Variants in MAD1L1 observed in about 807,000 individuals in gnomAD.
MAD1L1 encodes mitotic spindle assembly checkpoint protein MAD1.
MAD1L1 carries 95 observed loss-of-function variants against 96.9 expected under a neutral mutation model. That is an observed-to-expected ratio of 0.98 (90% CI 0.83 to 1.16). The LOEUF (loss-of-function observed/expected upper bound fraction) is 1.16, where lower values mean the gene tolerates loss of function less well. MAD1L1 is among the 50% of genes most tolerant of loss of function. MAD1L1 has a pLI of 0.00. For missense variants in MAD1L1, 1,007 were observed against 954.4 expected, an observed-to-expected ratio of 1.06 and a Z score of -0.73; for synonymous variants, 473 against 396.6, an observed-to-expected ratio of 1.19 and a Z score of -2.29.
intron 11 of MAD1L1, among the ~76,000 whole-genome samples, chr7:2,131,571 T>C (rs1788511379): frequency 2.0e-5 from 3 of 152,358 alleles, no homozygotes; most frequent in Admixed American, 1.3e-4. Flanking sequence ...GCGCAGGCAC[T>C]GATGGTGTCC....
In MAD1L1 at chr7:2,017,678, A is replaced by G. The variant is rs187887007; in HGVS notation, c.1219-3036T>C. Reference sequence around the variant, plus strand: ...GCCCAGAGGACCCTTGCGAAAGAGCAAGAGAGATAATGACGCTCATTCCCT... The same window carrying G: ...GCCCAGAGGACCCTTGCGAAAGAGCGAGAGAGATAATGACGCTCATTCCCT... On this transcript the variant is annotated intron_variant, in intron 12 of 18. Transcript: ENST00000265854. Among the ~76,000 whole-genome samples the G allele has an allele frequency of 1.5e-3, 225 of 152,326 alleles. 2 individuals are homozygous for G. Among genetic ancestry groups the G allele is most frequent in the African/African-American group, 5.1e-3 (211 of 41,572 alleles).
chr7:2,092,240 A>G (rs1357610114), intron 11 of MAD1L1, among the ~76,000 whole-genome samples: 1 of 152,146 alleles, frequency 6.6e-6, no homozygotes, highest in Admixed American at 6.5e-5. Context: ...CCAAAGACAA[A>G]TACTCCTGAG....
intron 12 of MAD1L1, among the ~76,000 whole-genome samples, chr7:2,034,614 T>C (rs970380939): frequency 6.6e-6 from 1 of 152,174 alleles, no homozygotes; most frequent in African/African-American, 2.4e-5. Context: ...CTGGCTGCAA[T>C]AAAATGTCAC....
chr7:2,055,010 G>A (rs1562643256), intron 12 of MAD1L1, among the ~76,000 whole-genome samples: 2 of 152,176 alleles, frequency 1.3e-5, no homozygotes, highest in Middle Eastern at 3.2e-3. Flanking sequence ...CAGGGACGAC[G>A]GCAGGGCCCG....
intron 16 of MAD1L1, among the ~76,000 whole-genome samples, chr7:1,942,572 T>C (rs1779051589): frequency 6.6e-6 from 1 of 152,028 alleles, no homozygotes; most frequent in Admixed American, 6.6e-5. Flanking sequence ...GCACCACTCC[T>C]GCACCCACCC....
At chr7:2,111,352 C>G (rs1312339424) in intron 11 of MAD1L1, among the ~76,000 whole-genome samples, 1 of 152,326 alleles carries the variant, frequency 6.6e-6, no homozygotes, top group Non-Finnish European at 1.5e-5. Flanking sequence ...GCCTCCCAGG[C>G]GGCAAGGAGC....
At chr7:1,895,344 G>A (rs1197037665) in intron 18 of MAD1L1, among the ~76,000 whole-genome samples, 1 of 152,182 alleles carries the variant, frequency 6.6e-6, no homozygotes, top group African/African-American at 2.4e-5. Flanking sequence ...ATGAGGCAGA[G>A]GCCCAGCCAG....
intron 17 of MAD1L1, among the ~76,000 whole-genome samples, chr7:1,906,805 C>A (rs1016270393): frequency 1.3e-5 from 2 of 152,216 alleles, no homozygotes; most frequent in Non-Finnish European, 2.9e-5. Flanking sequence ...TGAGCTCCTG[C>A]CCCTGCGCAA....
intron 16 of MAD1L1, among the ~76,000 whole-genome samples, chr7:1,952,271 T>C (rs930081546): frequency 6.6e-6 from 1 of 152,142 alleles, no homozygotes; most frequent in African/African-American, 2.4e-5. Context: ...AGCACCATCA[T>C]AGAAAACACG....
chr7:2,052,336 A>G (rs1784217345), intron 12 of MAD1L1, among the ~76,000 whole-genome samples: 1 of 152,222 alleles, frequency 6.6e-6, no homozygotes, highest in African/African-American at 2.4e-5. Context: ...CCGCCACCAC[A>G]GTTGGTAACA....
At chr7:2,021,912 G>A (rs1782804783) in intron 12 of MAD1L1, among the ~76,000 whole-genome samples, 1 of 152,136 alleles carries the variant, frequency 6.6e-6, no homozygotes, top group African/African-American at 2.4e-5. Context: ...TATGTGGAAA[G>A]ACAGAGCAGA....
At chr7:2,004,316 C>A (rs1461522990) in intron 13 of MAD1L1, among the ~76,000 whole-genome samples, 1 of 152,224 alleles carries the variant, frequency 6.6e-6, no homozygotes, top group African/African-American at 2.4e-5. Flanking sequence ...GCCACCCACA[C>A]CCCTGGCAGC....
chr7:2,081,828 G>A (rs974868262), intron 11 of MAD1L1, among the ~76,000 whole-genome samples: 4 of 152,238 alleles, frequency 2.6e-5, no homozygotes, highest in Non-Finnish European at 1.5e-5. Context: ...AGACACACCT[G>A]CCGTCAGGGT....
intron 7 of MAD1L1, among the ~76,000 whole-genome samples, chr7:2,217,046 G>A (rs1277359136): frequency 6.6e-6 from 1 of 152,120 alleles, no homozygotes; most frequent in Admixed American, 6.5e-5. Flanking sequence ...AGCTCTCCAG[G>A]AGCAAAAGTC....
intron 17 of MAD1L1, among the ~76,000 whole-genome samples, chr7:1,929,826 CCCCGTCCCCACTGCCACGTCCCCTCAT>C (rs1789343252): frequency 2.1e-4 from 1 of 4,860 alleles, no homozygotes; most frequent in African/African-American, 9.5e-4. Context: ...ACGTCCCCTG[CCCCGTCCCCACTGCCACGTCCCCTCAT>C]CCCGTCCCCA....
At position 2,199,995 on chromosome 7, in the gene MAD1L1, C is replaced by A. The variant is rs541297292; in HGVS notation, c.986+13217G>T. ...CCAGAGTTCCAGGAAGCCACACTCA[C>A]AAAGGCCCGAGGGCAAGGGAGGGGT... On this transcript the variant is annotated intron_variant, in intron 10 of 18. Coordinates refer to ENST00000265854, the MANE Select transcript of MAD1L1 (RefSeq NM_001013836.2). 4.8e-3 allele frequency among the ~76,000 whole-genome samples: 738 copies of A among 152,338 alleles called. 9 individuals are homozygous for A. Among genetic ancestry groups the A allele is most frequent in the African/African-American group, 0.017 (697 of 41,576 alleles).
chr7:1,847,628 C>T lies in MAD1L1; in HGVS notation c.1999-31400G>A, dbSNP rs114376655. 3,598 of 470,686 alleles carry T rather than the reference C, an allele frequency of 7.6e-3. 93 individuals carry two copies. Among genetic ancestry groups the T allele is most frequent in the African/African-American group, 0.065 (3,278 of 50,100 alleles). The allele number at this position is 470,686 out of a possible 1,614,324, so 29.2% of individuals were successfully genotyped here. ...GGAGATCTCAGCCCTGGGCAGGCCT[C>T]GCCCCCTCCAGCAGCTGCCCTCGGC... is the stretch of plus-strand genomic sequence containing the variant. On this transcript the variant is annotated intron_variant, in intron 18 of 18. Transcript: ENST00000265854.
At position 1,898,305 on chromosome 7, in the gene MAD1L1, CT is replaced by C; in HGVS notation, c.1892del (p.Lys631ArgfsTer21). ...GGTAGCCGGTGAGCGTGTAGCAGGCCTTGCGGAACTCCTGGATCTTGGTCTG... is the reference window on the plus strand; with the variant it reads ...GGTAGCCGGTGAGCGTGTAGCAGGCCTGCGGAACTCCTGGATCTTGGTCTG... Reference protein sequence around the residue: ...VFQTKIQEFRKACYTLTGYQI... With the variant: ...VFQTKIQEFRXACYTLTGYQI... On this transcript the variant is annotated frameshift_variant, in exon 18 of 19. Coordinates refer to ENST00000265854, the MANE Select transcript of MAD1L1 (RefSeq NM_001013836.2). LOFTEE classifies it high-confidence loss of function. The C allele has an allele frequency of 6.2e-7, 1 of 1,614,086 alleles. No individual in the cohort carries two copies. The highest frequency in any genetic ancestry group is 8.5e-7 in the Non-Finnish European group (1 of 1,180,000).
chr7:1,838,433 T>C (rs1783049823), intron 18 of MAD1L1, among the ~76,000 whole-genome samples: 1 of 152,208 alleles, frequency 6.6e-6, no homozygotes, highest in South Asian at 2.1e-4. Flanking sequence ...AATTCAAATG[T>C]TCTATCAACG....
Sources: gnomAD v4.1 joint callset for allele counts (sites outside exome capture counted in the v4.1 genomes callset) on GRCh38, gnomAD v4.1.1 for gene constraint, MANE v1.5 for transcripts, NCBI Gene and HGNC (gene_info 2026-07-23, HGNC 2026-07-21) for gene names.